Variants in FAM184B observed in about 807,000 individuals in gnomAD.
The protein encoded by FAM184B is protein FAM184B.
FAM184B carries 111 observed loss-of-function variants against 135.9 expected under a neutral mutation model. The observed-to-expected ratio is 0.82, with a 90% CI of 0.70 to 0.96. The LOEUF is 0.96. Ranked by LOEUF, FAM184B falls within the 40% of genes least tolerant of loss-of-function variation. FAM184B has a pLI of 0.00. For missense variants in FAM184B, 1,375 were observed against 1,323.9 expected, an observed-to-expected ratio of 1.04 and a Z score of -0.60; for synonymous variants, 552 against 524.8, an observed-to-expected ratio of 1.05 and a Z score of -0.71.
chr4:17,738,778 C>T (rs890998666), intron 1 of FAM184B, among the ~76,000 whole-genome samples: 3 of 152,226 alleles, frequency 2.0e-5, no homozygotes, highest in African/African-American at 7.2e-5. Flanking sequence ...GAGTGGCTCA[C>T]TTATGAATGG....
At position 17,781,115 on chromosome 4, in the gene FAM184B, CG is replaced by C; in HGVS notation, c.141+43del. 2 of 1,465,732 alleles carry C rather than the reference CG, an allele frequency of 1.4e-6. No individual in the cohort carries two copies. Among genetic ancestry groups the C allele is most frequent in the Non-Finnish European group, 1.8e-6 (2 of 1,106,790 alleles). 90.8% of individuals were successfully genotyped at this position (1,465,732 alleles called of 1,614,324 possible). ...CATCCGCACTGACTCCCGGCTCGGG[CG>C]CCCCGGGCGTGCAGCTCGCTGGCCC... On this transcript the variant is annotated intron_variant, in intron 1 of 17. Transcript: ENST00000265018. This position sits in a 1 kb window ranked among gnomAD's most constrained non-coding sequence, Gnocchi z 6.5.
chr4:17,635,047 A>C lies in FAM184B; in HGVS notation c.2851T>G (p.Phe951Val). 1 of 1,551,960 alleles carries C rather than the reference A, an allele frequency of 6.4e-7. No homozygotes were observed. Among genetic ancestry groups the C allele is most frequent in the Non-Finnish European group, 8.7e-7 (1 of 1,147,052 alleles). The part of the protein sequence containing the change: ...AMSHRNRSFS[F>V]NPHPGYLTPS... ...GTCAAATATCCCGGGTGAGGATTGAAAGAGAAAGACCGATTCCGGTGGGAC... is the reference window on the plus strand; with the variant it reads ...GTCAAATATCCCGGGTGAGGATTGACAGAGAAAGACCGATTCCGGTGGGAC... The change falls in exon 16 of 18, where the codon TTC becomes GTC. Residue 951 changes from phenylalanine to valine, a missense_variant. Coordinates refer to ENST00000265018, the MANE Select transcript of FAM184B (RefSeq NM_015688.2).
Position 17,703,929 on chromosome 4 carries a change from C to CAA in FAM184B, c.1377+1069_1377+1070dup, listed in dbSNP as rs11430688. 9.6e-3 allele frequency among the ~76,000 whole-genome samples: 1,341 copies of CAA among 139,904 alleles called. 25 individuals carry two copies. The highest frequency in any genetic ancestry group is 0.03 in the African/African-American group (1,113 of 37,394). The allele number at this position is 139,904 out of a possible 152,430, so 91.8% of individuals were successfully genotyped here. On this transcript the variant is annotated intron_variant, in intron 5 of 17. Transcript: ENST00000265018. ...CTGGTGACAGACCAAGACTCCGTTT[C>CAA]AAAAAAAAAAAAAGCAAAAAGCAAA...
chr4:17,675,554 G>A (rs1320161940), intron 7 of FAM184B, among the ~76,000 whole-genome samples: 1 of 152,184 alleles, frequency 6.6e-6, no homozygotes, highest in Non-Finnish European at 1.5e-5. Context: ...GAGTCAGCCT[G>A]TCCTTTGAAG....
chr4:17,636,632 C>T lies in FAM184B; in HGVS notation c.2680G>A (p.Gly894Arg), dbSNP rs570642756. Residue 894 changes from glycine to arginine, a missense_variant, in exon 15 of 18, where the codon GGA becomes AGA. Coordinates refer to ENST00000265018, the MANE Select transcript of FAM184B (RefSeq NM_015688.2). ...GACGCTCCCTTCCCTGGCTTCTCTC[C>T]GGAATCTTTCAGTCTGTTCCAAGCA... Reference protein sequence around the residue: ...AALEAELKDSGEKPGKGASRP... With the variant: ...AALEAELKDSREKPGKGASRP... 6.5e-6 allele frequency: 10 copies of T among 1,549,356 alleles called. No individual in the cohort carries two copies. The East Asian group carries it at 7.3e-5, about 11-fold the overall frequency.
chr4:17,781,372 G>A lies in FAM184B; in HGVS notation c.-73C>T. On this transcript the variant is annotated 5_prime_UTR_variant, in exon 1 of 18. Coordinates refer to ENST00000265018, the MANE Select transcript of FAM184B (RefSeq NM_015688.2). The surrounding 1 kb of genome is among the most constrained non-coding windows in gnomAD (Gnocchi z 6.5). The stretch of plus-strand genomic sequence containing the variant: ...ACCGTGTGCACGTGCGTGCGCGCGC[G>A]GGCGTGCGAGCGTGTGGGTTTCTCG... The A allele has an allele frequency of 7.1e-7, 1 of 1,404,288 alleles. No homozygotes were observed. The highest frequency in any genetic ancestry group is 9.3e-7 in the Non-Finnish European group (1 of 1,073,332). 87.0% of individuals were successfully genotyped at this position (1,404,288 alleles called of 1,614,324 possible).
chr4:17,749,803 T>C (rs552706067), intron 1 of FAM184B, among the ~76,000 whole-genome samples: 1 of 152,338 alleles, frequency 6.6e-6, no homozygotes, highest in African/African-American at 2.4e-5. Flanking sequence ...CTTTCGTGCA[T>C]ATATATTTTA....
intron 1 of FAM184B, among the ~76,000 whole-genome samples, chr4:17,733,289 C>A (rs1176393749): frequency 2.0e-5 from 3 of 152,142 alleles, no homozygotes; most frequent in Admixed American, 1.3e-4. Context: ...GACAGGGATG[C>A]CCTCTCTCAC....
chr4:17,638,734 G>C (rs1467367030), intron 14 of FAM184B, among the ~76,000 whole-genome samples: 1 of 152,238 alleles, frequency 6.6e-6, no homozygotes, highest in South Asian at 2.1e-4. Flanking sequence ...GAAGTGTGAG[G>C]GTTAAACCAA....
At chr4:17,771,840 G>A (rs1211030372) in intron 1 of FAM184B, among the ~76,000 whole-genome samples, 1 of 152,194 alleles carries the variant, frequency 6.6e-6, no homozygotes, top group Non-Finnish European at 1.5e-5. Context: ...GATGGGAAAT[G>A]AACATCTGTC....
intron 7 of FAM184B, among the ~76,000 whole-genome samples, chr4:17,668,089 T>C (rs1212436670): frequency 1.2e-4 from 18 of 152,204 alleles, no homozygotes; most frequent in Admixed American, 1.2e-3. Flanking sequence ...ACAGGTCACC[T>C]GCATTAGCAA....
chr4:17,642,016 G>A (rs777100860), intron 13 of FAM184B, 40 bp downstream of exon 13: 7 of 1,499,166 alleles, frequency 4.7e-6, no homozygotes, highest in South Asian at 3.8e-5. Flanking sequence ...GGGGTAGGGG[G>A]TGAGGGTGGC....
At chr4:17,691,338 T>A (rs559992796) in intron 6 of FAM184B, among the ~76,000 whole-genome samples, 1 of 152,178 alleles carries the variant, frequency 6.6e-6, no homozygotes, top group Non-Finnish European at 1.5e-5. Flanking sequence ...ACTTCTTAGA[T>A]AGTATCTTGA....
chr4:17,644,737 C>A (rs1036459794), intron 12 of FAM184B, among the ~76,000 whole-genome samples: 1 of 152,068 alleles, frequency 6.6e-6, no homozygotes, highest in Admixed American at 6.6e-5. Context: ...GTTCTGGCCA[C>A]GGTAATCAGG....
intron 8 of FAM184B, 125 bp downstream of exon 8, chr4:17,664,437 C>G: frequency 1.4e-6 from 1 of 698,286 alleles, no homozygotes; most frequent in Non-Finnish European, 2.3e-6. Flanking sequence ...TGCTTGTTGC[C>G]TCCCCAAGCA....
intron 1 of FAM184B, among the ~76,000 whole-genome samples, chr4:17,751,820 A>C (rs1577289552): frequency 2.6e-5 from 1 of 38,464 alleles, no homozygotes; most frequent in East Asian, 1.0e-3. Context: ...CCCTAAAAAC[A>C]AGGCACACAC....
At chr4:17,714,464 C>G (rs1045706997) in intron 1 of FAM184B, among the ~76,000 whole-genome samples, 1 of 152,050 alleles carries the variant, frequency 6.6e-6, no homozygotes, top group African/African-American at 2.4e-5. Context: ...CCTGAAGGAC[C>G]AGGGAGAAGG....
intron 1 of FAM184B, among the ~76,000 whole-genome samples, chr4:17,773,769 G>A (rs1418292905): frequency 6.6e-6 from 1 of 152,098 alleles, no homozygotes; most frequent in Non-Finnish European, 1.5e-5. Flanking sequence ...TAGAGATGGG[G>A]TTTCTCCATG....
chr4:17,677,806 CA>C (rs936510281), intron 7 of FAM184B, among the ~76,000 whole-genome samples: 3 of 152,014 alleles, frequency 2.0e-5, no homozygotes, highest in Non-Finnish European at 2.9e-5. Context: ...AACAGCATAT[CA>C]AAAAAATAAT....
Sources: allele counts gnomAD v4.1 joint callset (sites outside exome capture counted in the v4.1 genomes callset), GRCh38; gene constraint gnomAD v4.1.1; non-coding constraint Gnocchi (gnomAD v3.1); transcripts MANE v1.5; gene names NCBI Gene and HGNC (gene_info 2026-07-23, HGNC 2026-07-21).